CCDC57: variants seen among roughly 807,000 people sequenced by gnomAD.
CCDC57 encodes the protein coiled-coil domain containing 57, also known as coiled-coil domain-containing protein 57.
Under a neutral mutation model 118.9 loss-of-function variants are expected in CCDC57, and 118 were observed. That is an observed-to-expected ratio of 0.99 (90% CI 0.86 to 1.16). The LOEUF is 1.16. Ranked by LOEUF, CCDC57 falls within the 50% of genes most tolerant of loss-of-function variation. The pLI is 0.00. For missense variants in CCDC57, 1,300 were observed against 1,320.7 expected, an observed-to-expected ratio of 0.98 and a Z score of 0.24; for synonymous variants, 527 against 532.9, an observed-to-expected ratio of 0.99 and a Z score of 0.15.
intron 7 of CCDC57, among the ~76,000 whole-genome samples, chr17:82,189,387 G>T (rs1297790380): frequency 6.6e-6 from 1 of 152,194 alleles, no homozygotes; most frequent in Non-Finnish European, 1.5e-5. Flanking sequence ...TCAGGTATAT[G>T]TAATGTTATG....
chr17:82,122,112 C>T (rs917957139), intron 19 of CCDC57, among the ~76,000 whole-genome samples: 10 of 152,190 alleles, frequency 6.6e-5, no homozygotes, highest in Non-Finnish European at 8.8e-5. Flanking sequence ...CTTCCTGAGG[C>T]GCCAACCCAC....
intron 16 of CCDC57, among the ~76,000 whole-genome samples, chr17:82,151,289 G>T (rs1354163273): frequency 2.0e-5 from 2 of 97,828 alleles, no homozygotes; most frequent in African/African-American, 7.8e-5. Context: ...AGAACCAGGC[G>T]CATACCCAGA....
chr17:82,183,207 G>C (rs1324879201), intron 9 of CCDC57, among the ~76,000 whole-genome samples: 4 of 152,204 alleles, frequency 2.6e-5, no homozygotes, highest in Non-Finnish European at 4.4e-5. Flanking sequence ...GATGAGTTTA[G>C]CATATGTATT....
intron 9 of CCDC57, among the ~76,000 whole-genome samples, chr17:82,181,015 G>A (rs967783389): frequency 1.3e-5 from 2 of 152,182 alleles, no homozygotes; most frequent in African/African-American, 2.4e-5. Flanking sequence ...AGGCCATTCC[G>A]GATCCCCGCA....
intron 6 of CCDC57, 66 bp from the exon 6 acceptor site, chr17:82,193,896 G>T: frequency 1.3e-6 from 2 of 1,568,146 alleles, no homozygotes; most frequent in South Asian, 2.3e-5. Context: ...CCTGGAATGA[G>T]CAGAAAAGGT....
chr17:82,124,375 G>A (rs760358603), intron 19 of CCDC57, among the ~76,000 whole-genome samples: 29 of 152,046 alleles, frequency 1.9e-4, no homozygotes, highest in Non-Finnish European at 7.4e-5. Flanking sequence ...TTAAAAGCCT[G>A]ATAGGTGGAG....
At chr17:82,153,711 A>G (rs144733295) in intron 15 of CCDC57, 23 of 152,354 alleles carry the variant, frequency 1.5e-4, no homozygotes, top group African/African-American at 5.5e-4. Context: ...GAATGTCTTC[A>G]CCACTGTGTG....
rs935768881 is a variant in CCDC57, at chr17:82,190,924, T to C, written c.852-2505A>G. Among the ~76,000 whole-genome samples the C allele has an allele frequency of 2.7e-5, 4 of 150,762 alleles. No homozygotes were observed. In the East Asian group the frequency reaches 5.9e-4, roughly 22 times the overall value. Reference sequence around the variant, plus strand: ...CGAAAACCCCCCAGAAAGAAGAACATCCTGAAAGCCTGGCAGGCTTCCACC... The same window carrying C: ...CGAAAACCCCCCAGAAAGAAGAACACCCTGAAAGCCTGGCAGGCTTCCACC... On this transcript the variant is annotated intron_variant, in intron 7 of 19. Coordinates refer to ENST00000665763, the Ensembl canonical transcript of CCDC57.
At chr17:82,116,943 AT>A (rs1465447553) in intron 19 of CCDC57, among the ~76,000 whole-genome samples, 1 of 152,170 alleles carries the variant, frequency 6.6e-6, no homozygotes, top group Non-Finnish European at 1.5e-5. Flanking sequence ...ACAAACGCCC[AT>A]TTTTCTGTTG....
At chr17:82,197,000 CCCT>C (rs2048384168) in intron 4 of CCDC57, among the ~76,000 whole-genome samples, 1 of 142,478 alleles carries the variant, frequency 7.0e-6, no homozygotes, top group Non-Finnish European at 1.5e-5. Flanking sequence ...GAGACTCAGC[CCCT>C]CGTGACTCCT....
intron 4 of CCDC57, among the ~76,000 whole-genome samples, chr17:82,195,824 A>G (rs984944956): frequency 6.6e-6 from 1 of 152,164 alleles, no homozygotes; most frequent in Non-Finnish European, 1.5e-5. Context: ...AGCCAGTGCC[A>G]GCATCCCAGA....
At chr17:82,128,583 G>T in exon 18 of CCDC57, 2 of 1,564,678 alleles carry the variant, frequency 1.3e-6, no homozygotes, top group East Asian at 2.4e-5. Context: ...CCTCATCCTC[G>T]GCACTCTTGG....
At chr17:82,154,632 T>C (rs2042458026) in intron 15 of CCDC57, 2 of 144,944 alleles carry the variant, frequency 1.4e-5, no homozygotes, top group East Asian at 2.1e-4. Flanking sequence ...TGGTCCCACA[T>C]GGTGTTTCTA....
chr17:82,128,935 T>A (rs2037896651), intron 17 of CCDC57, among the ~76,000 whole-genome samples: 1 of 151,974 alleles, frequency 6.6e-6, no homozygotes, highest in African/African-American at 2.4e-5. Flanking sequence ...TTTTTTTTTT[T>A]TGAGACGGAG....
chr17:82,188,098 A>G lies in CCDC57; in HGVS notation c.1052+121T>C, dbSNP rs189808850. 6.8e-5 allele frequency: 50 copies of G among 738,104 alleles called. No homozygotes were observed. In the African/African-American group the frequency reaches 7.9e-4, roughly 12 times the overall value. 45.7% of individuals were successfully genotyped at this position (738,104 alleles called of 1,614,324 possible). A position where few individuals can be genotyped will look rare whatever the true frequency, so the allele number is the denominator to read the frequency against. On this transcript the variant is annotated intron_variant, in intron 8 of 19. Coordinates refer to ENST00000665763, the Ensembl canonical transcript of CCDC57. ...GTTAAGAAAAGTGACTGAGAGCTAC[A>G]GAAGCCACTCTGTCTGCTGCCTGGC...
At chr17:82,128,032 G>A (rs1411195562) in intron 18 of CCDC57, 124 bp from the exon 18 acceptor site, 3 of 1,404,534 alleles carry the variant, frequency 2.1e-6, no homozygotes, top group Non-Finnish European at 2.8e-6. Context: ...GGCCCAGGCA[G>A]ATGCTCCCAG....
At chr17:82,113,711 C>A in intron 19 of CCDC57, 1 of 711,332 alleles carries the variant, frequency 1.4e-6, no homozygotes, top group Middle Eastern at 2.5e-4. Flanking sequence ...GGCGGCAGGA[C>A]TGCTTGAGCC....
chr17:82,202,357 A>G (rs2049099469), intron 2 of CCDC57, among the ~76,000 whole-genome samples: 1 of 151,592 alleles, frequency 6.6e-6, no homozygotes, highest in Non-Finnish European at 1.5e-5. Context: ...AGTCCCAGCT[A>G]CTCGGGAGGC....
In CCDC57 at chr17:82,188,210, C is replaced by T. The variant is rs1568418258; in HGVS notation, c.1052+9G>A. The T allele has an allele frequency of 6.5e-7, 1 of 1,541,340 alleles. No homozygotes were observed. The highest frequency in any genetic ancestry group is 8.7e-7 in the Non-Finnish European group (1 of 1,144,488). On this transcript the variant is annotated intron_variant, in intron 8 of 19. Transcript: ENST00000665763. ...CTCACCCTCTGGGTGGAGCCAAGCA[C>T]ACGCTCACTGGTCAATGGCAGCGTC...
Sources: gnomAD v4.1 joint callset for allele counts (sites outside exome capture counted in the v4.1 genomes callset) on GRCh38, gnomAD v4.1.1 for gene constraint, MANE v1.5 for transcripts, NCBI Gene and HGNC (gene_info 2026-07-23, HGNC 2026-07-21) for gene names.